DSCAM: variants seen among roughly 807,000 people sequenced by gnomAD.
DSCAM encodes the protein DS cell adhesion molecule, also known as cell adhesion molecule DSCAM.
In DSCAM, 47 loss-of-function variants were observed where a neutral mutation model predicts 217.7. That is an observed-to-expected ratio of 0.22 (90% CI 0.17 to 0.28). The LOEUF (loss-of-function observed/expected upper bound fraction) is 0.28, where lower values mean the gene tolerates loss of function less well. Among genes scored for constraint, DSCAM ranks in the 10% least tolerant of loss-of-function variants. The pLI is 1.00. For missense variants in DSCAM, 2,080 were observed against 2,618.3 expected (o/e 0.79, Z 4.49); for synonymous variants, 1,056 against 1,015.3 (o/e 1.04, Z -0.76).
intron 16 of DSCAM, among the ~76,000 whole-genome samples, chr21:40,160,429 T>C (rs2090527868): frequency 6.6e-6 from 1 of 152,226 alleles, no homozygotes; most frequent in African/African-American, 2.4e-5. Flanking sequence ...TCAACTTATA[T>C]TTTTACATGT....
intron 3 of DSCAM, among the ~76,000 whole-genome samples, chr21:40,646,576 T>G (rs1363955644): frequency 6.6e-6 from 1 of 152,238 alleles, no homozygotes; most frequent in Non-Finnish European, 1.5e-5. Context: ...CTAGCTTTTC[T>G]TCCTTGGATG....
At chr21:40,591,094 C>G (rs549193834) in intron 3 of DSCAM, among the ~76,000 whole-genome samples, 3 of 135,910 alleles carry the variant, frequency 2.2e-5, no homozygotes, top group Non-Finnish European at 3.3e-5. Flanking sequence ...GGAGTTCTCA[C>G]GAGATCACAT....
At chr21:40,561,431 T>C (rs999864120) in intron 3 of DSCAM, among the ~76,000 whole-genome samples, 2 of 152,240 alleles carry the variant, frequency 1.3e-5, no homozygotes, top group African/African-American at 4.8e-5. Flanking sequence ...TTCTTAGGAA[T>C]AATGTAAACT....
Position 40,231,128 on chromosome 21 carries a change from T to A in DSCAM, c.2357-41890A>T, listed in dbSNP as rs1418928301. ...CAGAATGTGGTTCTGGAAGAGGTTT[T>A]TTTTTTTTTTTTTTAAATTTTCCGT... On this transcript the variant is annotated intron_variant, in intron 11 of 32. Transcript: ENST00000400454. 4.0e-5 allele frequency among the ~76,000 whole-genome samples: 6 copies of A among 151,718 alleles called. No homozygotes were observed. In the East Asian group the frequency reaches 9.7e-4, roughly 24 times the overall value.
intron 3 of DSCAM, among the ~76,000 whole-genome samples, chr21:40,574,017 A>G (rs1315518173): frequency 6.6e-6 from 1 of 152,116 alleles, no homozygotes; most frequent in East Asian, 1.9e-4. Flanking sequence ...ACAAAAACAT[A>G]AAAGAAAAAA....
chr21:40,499,818 T>C (rs949829252), intron 3 of DSCAM, among the ~76,000 whole-genome samples: 2 of 152,158 alleles, frequency 1.3e-5, no homozygotes, highest in South Asian at 2.1e-4. Context: ...TCTCACTCTG[T>C]CACCCAGGAT....
intron 21 of DSCAM, 25 bp from the exon 22 acceptor site, chr21:40,087,312 C>G (rs1336277129): frequency 1.9e-6 from 3 of 1,561,510 alleles, no homozygotes; most frequent in East Asian, 4.5e-5. Flanking sequence ...AAAGTGGAAT[C>G]CTGATTACTC....
In DSCAM at chr21:40,406,659, C is replaced by T. The variant is rs375817527; in HGVS notation, c.509-37414G>A. Among the ~76,000 whole-genome samples the T allele has an allele frequency of 3.0e-4, 45 of 152,260 alleles. No homozygotes were observed. In the South Asian group the frequency reaches 7.2e-3, roughly 25 times the overall value. ...AGGCTGGAGTGCAGTGGCACAATCT[C>T]GGCTCACTGCAACCTCCACCTCTCA... On this transcript the variant is annotated intron_variant, in intron 3 of 32. Transcript: ENST00000400454.
At chr21:40,611,504 G>A (rs1310996585) in intron 3 of DSCAM, among the ~76,000 whole-genome samples, 1 of 152,032 alleles carries the variant, frequency 6.6e-6, no homozygotes, top group East Asian at 1.9e-4. Flanking sequence ...GTATTTTATG[G>A]CACCCTCAAT....
chr21:40,037,037 A>G (rs1239956606), intron 32 of DSCAM, among the ~76,000 whole-genome samples: 1 of 150,342 alleles, frequency 6.7e-6, no homozygotes, highest in Non-Finnish European at 1.5e-5. Context: ...AGAGCTATCT[A>G]TGACAAACCC....
intron 3 of DSCAM, among the ~76,000 whole-genome samples, chr21:40,540,139 C>A (rs933506581): frequency 2.6e-5 from 4 of 152,128 alleles, no homozygotes; most frequent in African/African-American, 9.7e-5. Flanking sequence ...AACTGTCATG[C>A]TTCTGGGCCG....
At chr21:40,656,392 C>G (rs1179429286) in intron 3 of DSCAM, among the ~76,000 whole-genome samples, 2 of 151,240 alleles carry the variant, frequency 1.3e-5, no homozygotes, top group African/African-American at 4.9e-5. Context: ...CCCTGTTGTG[C>G]ATGAGTGAAA....
chr21:40,508,636 A>G (rs2146052250), intron 3 of DSCAM, among the ~76,000 whole-genome samples: 1 of 150,218 alleles, frequency 6.7e-6, no homozygotes, highest in South Asian at 2.1e-4. Context: ...CGGTGCAGTC[A>G]TCGCTCTCAG....
At position 40,459,033 on chromosome 21, in the gene DSCAM, T is replaced by G. The variant is rs147043134; in HGVS notation, c.509-89788A>C. Among the ~76,000 whole-genome samples the G allele has an allele frequency of 4.2e-3, 632 of 151,488 alleles. 5 individuals carry two copies. The highest frequency in any genetic ancestry group is 0.015 in the African/African-American group (612 of 41,304). ...TACGTATATAAATAACAAGAAAGGA[T>G]GAAAATAAATGACATAAGCATCCAA... is the stretch of plus-strand genomic sequence containing the variant. On this transcript the variant is annotated intron_variant, in intron 3 of 32. Coordinates refer to ENST00000400454, the MANE Select transcript of DSCAM (RefSeq NM_001389.5).
intron 3 of DSCAM, among the ~76,000 whole-genome samples, chr21:40,444,587 G>A (rs1267715012): frequency 2.6e-5 from 4 of 152,164 alleles, no homozygotes; most frequent in African/African-American, 9.7e-5. Context: ...TGCAGTAATG[G>A]CTGACTAATA....
At chr21:40,533,271 T>A (rs965187162) in intron 3 of DSCAM, among the ~76,000 whole-genome samples, 2 of 152,254 alleles carry the variant, frequency 1.3e-5, no homozygotes, top group East Asian at 3.8e-4. Context: ...CATGTAAGAA[T>A]AATTTCCTTT....
intron 3 of DSCAM, among the ~76,000 whole-genome samples, chr21:40,402,853 C>G (rs1272998615): frequency 6.6e-6 from 1 of 151,922 alleles, no homozygotes; most frequent in Non-Finnish European, 1.5e-5. Flanking sequence ...AATGACATAT[C>G]AAAACTCAGA....
intron 8 of DSCAM, among the ~76,000 whole-genome samples, chr21:40,336,439 G>A (rs1054594804): frequency 6.6e-6 from 1 of 152,186 alleles, no homozygotes; most frequent in Non-Finnish European, 1.5e-5. Context: ...TTTCTGATGA[G>A]ATCATGGTAA....
intron 2 of DSCAM, among the ~76,000 whole-genome samples, chr21:40,700,402 A>C (rs888624304): frequency 3.9e-5 from 6 of 152,180 alleles, no homozygotes; most frequent in Non-Finnish European, 5.9e-5. Flanking sequence ...TCTTTTAATC[A>C]TTAGTGGATG....
Sources: gnomAD v4.1 joint callset for allele counts (sites outside exome capture counted in the v4.1 genomes callset) on GRCh38, gnomAD v4.1.1 for gene constraint, MANE v1.5 for transcripts, NCBI Gene and HGNC (gene_info 2026-07-23, HGNC 2026-07-21) for gene names.